Variants in CENPP observed in about 807,000 individuals in gnomAD.
CENPP encodes centromere protein P.
CENPP carries 24 observed loss-of-function variants against 35.6 expected under a neutral mutation model. The observed-to-expected ratio is 0.67, with a 90% CI of 0.49 to 0.95. The LOEUF is 0.95. Ranked by LOEUF, CENPP falls within the 40% of genes least tolerant of loss-of-function variation. CENPP has a pLI of 0.00. For missense variants in CENPP, 332 were observed against 345.3 expected (o/e 0.96, Z 0.31); for synonymous variants, 120 against 125.5 (o/e 0.96, Z 0.29).
intron 4 of CENPP, among the ~76,000 whole-genome samples, chr9:92,363,744 A>C (rs901620914): frequency 2.6e-5 from 4 of 152,188 alleles, no homozygotes; most frequent in Non-Finnish European, 4.4e-5. Context: ...TATACATACT[A>C]TCATTTCACA....
Position 92,431,445 on chromosome 9 carries a change from A to G in CENPP, c.564+51586A>G, listed in dbSNP as rs139650404. 4.4e-3 allele frequency among the ~76,000 whole-genome samples: 670 copies of G among 152,358 alleles called. 10 individuals are homozygous for G. The highest frequency in any genetic ancestry group is 6.9e-3 in the East Asian group (36 of 5,190). On this transcript the variant is annotated intron_variant, in intron 5 of 7. Transcript: ENST00000375587. ...AATTTGGTAAGTATTCAGTGGCATT[A>G]CATTGTGATTTTAACTTCCATTGGC...
chr9:92,415,897 T>C (rs1843579809), intron 5 of CENPP, among the ~76,000 whole-genome samples: 1 of 145,822 alleles, frequency 6.9e-6, no homozygotes, highest in Admixed American at 6.9e-5. Flanking sequence ...TTTTTTTTTT[T>C]CCTGTTGCAA....
chr9:92,438,938 G>A (rs761633037), intron 5 of CENPP, among the ~76,000 whole-genome samples: 2 of 152,196 alleles, frequency 1.3e-5, no homozygotes, highest in Non-Finnish European at 2.9e-5. Flanking sequence ...GTGACAGAGC[G>A]AGACTCCATC....
At chr9:92,332,554 A>G (rs991391270) in intron 2 of CENPP, among the ~76,000 whole-genome samples, 10 of 152,242 alleles carry the variant, frequency 6.6e-5, no homozygotes, top group African/African-American at 2.2e-4. Context: ...CATGCCTATA[A>G]TCCCAGCTTT....
chr9:92,336,264 A>G (rs1840925177), intron 2 of CENPP, among the ~76,000 whole-genome samples: 1 of 152,198 alleles, frequency 6.6e-6, no homozygotes, highest in Non-Finnish European at 1.5e-5. Context: ...CTAATTAGGA[A>G]GCAAATTATG....
At chr9:92,603,988 C>T (rs1474850806) in intron 5 of CENPP, among the ~76,000 whole-genome samples, 1 of 152,212 alleles carries the variant, frequency 6.6e-6, no homozygotes, top group African/African-American at 2.4e-5. Context: ...TAAAGAATCA[C>T]TTGCTGCTCC....
At chr9:92,576,896 G>A (rs770041940) in intron 5 of CENPP, among the ~76,000 whole-genome samples, 16 of 152,186 alleles carry the variant, frequency 1.1e-4, no homozygotes, top group Middle Eastern at 3.4e-3. Context: ...TGATCAGACC[G>A]TTTGCACCAA....
rs937411841 is a variant in CENPP, at chr9:92,363,238, C to T, written c.468-16525C>T. Among the ~76,000 whole-genome samples, 67 of 144,042 alleles carry T rather than the reference C, an allele frequency of 4.7e-4. 1 individual carries two copies. Among genetic ancestry groups the T allele is most frequent in the Non-Finnish European group, 8.4e-4 (56 of 66,694 alleles). The allele number at this position is 144,042 out of a possible 152,430, so 94.5% of individuals were successfully genotyped here. On this transcript the variant is annotated intron_variant, in intron 4 of 7. Transcript: ENST00000375587. ...AAATATGTATTTATACATATATACA[C>T]ACACACACACACACACAAACCTGTA...
chr9:92,457,813 AATAC>A (rs1188609767), intron 5 of CENPP, among the ~76,000 whole-genome samples: 2 of 152,166 alleles, frequency 1.3e-5, no homozygotes, highest in South Asian at 2.1e-4. Flanking sequence ...TATATACATA[AATAC>A]ATACATGCGT....
intron 5 of CENPP, among the ~76,000 whole-genome samples, chr9:92,552,210 CACACA>C (rs1849631139): frequency 6.6e-6 from 1 of 150,598 alleles, no homozygotes; most frequent in African/African-American, 2.5e-5. Flanking sequence ...CACACACACA[CACACA>C]CCCCACAGTT....
At position 92,391,241 on chromosome 9, in the gene CENPP, C is replaced by CA. The variant is rs770262906; in HGVS notation, c.564+11398dup. On this transcript the variant is annotated intron_variant, in intron 5 of 7. Transcript: ENST00000375587. ...GAAACCCCATCTCTACTAAAAATAC[C>CA]AAAAAAAAAAAAAAAATTAGCCAGG... Among the ~76,000 whole-genome samples the CA allele has an allele frequency of 5.8e-3, 746 of 129,246 alleles. 4 individuals carry two copies. Among genetic ancestry groups the CA allele is most frequent in the East Asian group, 0.017 (75 of 4,536 alleles). The allele number at this position is 129,246 out of a possible 152,430, so 84.8% of individuals were successfully genotyped here.
At chr9:92,565,159 A>G (rs573351774) in intron 5 of CENPP, among the ~76,000 whole-genome samples, 4 of 152,068 alleles carry the variant, frequency 2.6e-5, no homozygotes, top group African/African-American at 9.6e-5. Flanking sequence ...CTATTTTGGA[A>G]CTCTGGAGTC....
intron 5 of CENPP, among the ~76,000 whole-genome samples, chr9:92,382,079 GT>G (rs1175895781): frequency 6.6e-6 from 1 of 151,722 alleles, no homozygotes; most frequent in African/African-American, 2.4e-5. Flanking sequence ...GAATTGGGTT[GT>G]TTTTTGTTGT....
At chr9:92,532,013 A>ATGTTTTTTT (rs1848795125) in intron 5 of CENPP, among the ~76,000 whole-genome samples, 2 of 68,914 alleles carry the variant, frequency 2.9e-5, no homozygotes, top group Non-Finnish European at 5.5e-5. Context: ...TTTTTATTTA[A>ATGTTTTTTT]TGTTTTTTTT....
intron 3 of CENPP, among the ~76,000 whole-genome samples, chr9:92,338,975 G>C (rs927655407): frequency 6.6e-6 from 1 of 152,204 alleles, no homozygotes; most frequent in African/African-American, 2.4e-5. Flanking sequence ...CAGCAGAACA[G>C]GGCTCAGCCA....
intron 2 of CENPP, among the ~76,000 whole-genome samples, chr9:92,333,161 G>A (rs1446684648): frequency 1.3e-5 from 2 of 152,218 alleles, no homozygotes; most frequent in Non-Finnish European, 2.9e-5. Flanking sequence ...AGCTACTGCA[G>A]CTGTGCAACT....
intron 5 of CENPP, chr9:92,417,321 T>G: frequency 6.2e-7 from 1 of 1,614,096 alleles, no homozygotes; most frequent in South Asian, 1.1e-5. Flanking sequence ...AGTTTGCGAT[T>G]ATCACAGTAC....
intron 5 of CENPP, among the ~76,000 whole-genome samples, chr9:92,609,712 G>C (rs1186536534): frequency 6.6e-6 from 1 of 152,250 alleles, no homozygotes; most frequent in African/African-American, 2.4e-5. Flanking sequence ...TCTCACAAGA[G>C]CAGACAAAAA....
chr9:92,603,945 C>T (rs1352470013), intron 5 of CENPP, among the ~76,000 whole-genome samples: 3 of 152,196 alleles, frequency 2.0e-5, no homozygotes, highest in African/African-American at 7.2e-5. Context: ...CTCCCCACCA[C>T]CAGCAGGTGG....
Sources: gnomAD v4.1 joint callset for allele counts (sites outside exome capture counted in the v4.1 genomes callset) on GRCh38, gnomAD v4.1.1 for gene constraint, MANE v1.5 for transcripts, NCBI Gene and HGNC (gene_info 2026-07-23, HGNC 2026-07-21) for gene names.